Variants in NARF observed in about 807,000 individuals in gnomAD.
The protein encoded by NARF is nuclear prelamin A recognition factor, also known as iron-only hydrogenase-like protein 2.
NARF carries 41 observed loss-of-function variants against 48.0 expected under a neutral mutation model. The ratio of observed to expected loss-of-function variants is 0.85; its 90% CI spans 0.66 to 1.11. NARF has a LOEUF of 1.11. NARF is among the 50% of genes least tolerant of loss of function. The pLI, the probability that NARF is intolerant of heterozygous loss-of-function variation, is 0.00. For missense variants in NARF, 613 were observed against 590.2 expected, an observed-to-expected ratio of 1.04 and a Z score of -0.40; for synonymous variants, 215 against 225.5, an observed-to-expected ratio of 0.95 and a Z score of 0.42.
In NARF at chr17:82,479,258, T is replaced by C. The variant is rs948987581; in HGVS notation, c.639+340T>C. On this transcript the variant is annotated intron_variant, in intron 6 of 10. Transcript: ENST00000309794. ...AGATGCTGCCTGCCTGCTGTTGGGA[T>C]GCCTCACCCAAGGAGGCCTAAAGTG... is the stretch of plus-strand genomic sequence containing the variant. 5 of 195,850 alleles carry C rather than the reference T, an allele frequency of 2.6e-5. No homozygotes were observed. The South Asian group carries it at 4.2e-4, about 17-fold the overall frequency. 12.1% of individuals were successfully genotyped at this position (195,850 alleles called of 1,614,324 possible). A position where few individuals can be genotyped will look rare whatever the true frequency, so the allele number is the denominator to read the frequency against.
intron 2 of NARF, 46 bp from the exon 3 acceptor site, chr17:82,464,241 A>G: frequency 1.9e-6 from 3 of 1,595,954 alleles, no homozygotes; most frequent in Non-Finnish European, 2.6e-6. Flanking sequence ...GAAGCACATT[A>G]AAGAGTATTT....
At chr17:82,470,708 A>T (rs1390345911) in intron 4 of NARF, among the ~76,000 whole-genome samples, 1 of 151,760 alleles carries the variant, frequency 6.6e-6, no homozygotes, top group Non-Finnish European at 1.5e-5. Context: ...GTTAGCCAGG[A>T]TGGTCTCGAT....
rs368365758 is a variant in NARF, at chr17:82,484,843, G to A, written c.864G>A (p.Thr288=). 5.6e-6 allele frequency: 9 copies of A among 1,609,024 alleles called. No individual in the cohort carries two copies. Among genetic ancestry groups the A allele is most frequent in the Admixed American group, 1.7e-5 (1 of 59,148 alleles). Residue 288 remains threonine (T), a synonymous_variant, in exon 9 of 11, where the codon ACG becomes ACA. Transcript: ENST00000309794. The part of the protein sequence containing the change: ...LFGDLKEDKV[T]RHDGASSDGH... The stretch of plus-strand genomic sequence containing the variant: ...GAGACTTGAAGGAGGACAAAGTGAC[G>A]CGTCATGATGGAGCCAGCTCAGACG...
intron 8 of NARF, chr17:82,484,516 G>A: frequency 3.8e-6 from 1 of 260,096 alleles, no homozygotes; most frequent in Non-Finnish European, 7.4e-6. Context: ...CTGAGAGACA[G>A]AACAAGACCC....
In NARF at chr17:82,488,220, G is replaced by A; in HGVS notation, c.*63G>A. 6.3e-7 allele frequency: 1 copy of A among 1,578,764 alleles called. No homozygotes were observed. The highest frequency in any genetic ancestry group is 8.6e-7 in the Non-Finnish European group (1 of 1,161,608). On this transcript the variant is annotated 3_prime_UTR_variant, in exon 11 of 11. Transcript: ENST00000309794. ...AGCCAAGAGCCTCTCAGTAGAGGGA[G>A]GGGCTGCCCTGAGTGGAGTATTAAA...
intron 3 of NARF, among the ~76,000 whole-genome samples, chr17:82,466,048 C>T (rs1385745997): frequency 6.6e-6 from 1 of 152,232 alleles, no homozygotes; most frequent in Non-Finnish European, 1.5e-5. Context: ...CATGCATACC[C>T]GTCCCCACCT....
In NARF at chr17:82,481,121, C is replaced by A; in HGVS notation, c.679C>A (p.Pro227Thr). The A allele has an allele frequency of 6.2e-7, 1 of 1,614,094 alleles. No homozygotes were observed. The highest frequency in any genetic ancestry group is 8.5e-7 in the Non-Finnish European group (1 of 1,180,020). ...PEKIFHVIVA[P>T]CYDKKLEALQ... ...GAAGATTTTCCACGTCATTGTGGCC[C>A]CTTGTTATGACAAGAAGCTGGAGGC... is the stretch of plus-strand genomic sequence containing the variant. The change falls in exon 7 of 11, where the codon CCT becomes ACT. Residue 227 changes from proline to threonine, a missense_variant. By Grantham distance (38) the Pro-to-Thr change is conservative. Transcript: ENST00000309794.
upstream of NARF, chr17:82,458,722 G>C: frequency 8.4e-6 from 12 of 1,426,872 alleles, no homozygotes; most frequent in Non-Finnish European, 1.1e-5. Context: ...ACAAAGGGCC[G>C]CGGGCGGCGG....
At chr17:82,460,453 A>T (rs1278633397) in intron 2 of NARF, 1 of 157,252 alleles carries the variant, frequency 6.4e-6, no homozygotes, top group East Asian at 1.9e-4. Flanking sequence ...CAACAGAGTG[A>T]GACTCTGTCC....
Position 82,478,811 on chromosome 17 carries a change from T to G in NARF, c.532T>G (p.Tyr178Asp). Residue 178 changes from tyrosine (Y) to aspartate (D), a missense_variant, in exon 6 of 11, where the codon TAC becomes GAC. Tyr to Asp is a radical substitution (Grantham distance 160, BLOSUM62 -3). Transcript: ENST00000309794. ...CCTTCTCTCCCCAGGCTGGGTCCGATACGCCGAGCGGGTGCTGGGTCGCCC... is the reference window on the plus strand; with the variant it reads ...CCTTCTCTCCCCAGGCTGGGTCCGAGACGCCGAGCGGGTGCTGGGTCGCCC... ...LTSACPGWVR[Y>D]AERVLGRPIT... The G allele has an allele frequency of 6.2e-7, 1 of 1,613,688 alleles. No homozygotes were observed. Among genetic ancestry groups the G allele is most frequent in the Non-Finnish European group, 8.5e-7 (1 of 1,179,860 alleles).
intron 2 of NARF, chr17:82,463,319 GGAACAAGA>G (rs1261859891): frequency 2.6e-5 from 4 of 152,174 alleles, no homozygotes; most frequent in Non-Finnish European, 5.9e-5. Context: ...GAAGTGCTGA[GGAACAAGA>G]GAACAAGACA....
At chr17:82,458,643 T>G (rs1189141559), upstream of NARF, 107 of 913,894 alleles carry the variant, frequency 1.2e-4, 1 homozygote, top group Non-Finnish European at 1.5e-4. Flanking sequence ...GGGGTGCGGC[T>G]TGTCCTCTCC....
Position 82,485,611 on chromosome 17 carries a change from C to G in NARF, c.1086C>G (p.Gly362=). Reference sequence around the variant, plus strand: ...ACATGATCCTGAAGCTTAAGAAGGGCAAGTTCCCATTCCACTTTGTGGAGG... The same window carrying G: ...ACATGATCCTGAAGCTTAAGAAGGGGAAGTTCCCATTCCACTTTGTGGAGG... ...IQNMILKLKK[G]KFPFHFVEVL... The change falls in exon 10 of 11, where the codon GGC becomes GGG. Residue 362 remains glycine, a synonymous_variant. Transcript: ENST00000309794. The G allele has an allele frequency of 6.2e-7, 1 of 1,614,194 alleles. No individual in the cohort carries two copies. The highest frequency in any genetic ancestry group is 8.5e-7 in the Non-Finnish European group (1 of 1,180,052).
At chr17:82,458,680 C>A, upstream of NARF, 1 of 1,302,772 alleles carries the variant, frequency 7.7e-7, no homozygotes, top group Non-Finnish European at 9.9e-7. Flanking sequence ...CGAGCGCGGC[C>A]GTTGGGGGTG....
chr17:82,473,448 T>G (rs1039581168), intron 5 of NARF, among the ~76,000 whole-genome samples: 6 of 152,078 alleles, frequency 3.9e-5, no homozygotes, highest in Admixed American at 6.5e-5. Context: ...TCACCCAGAC[T>G]GGAGTGCATC....
chr17:82,483,318 T>C, intron 7 of NARF: 1 of 322,630 alleles, frequency 3.1e-6, no homozygotes, highest in Non-Finnish European at 6.1e-6. Flanking sequence ...AGACTCCATC[T>C]CAAAAAAAAA....
intron 7 of NARF, chr17:82,483,057 C>G (rs538891913): frequency 6.5e-6 from 1 of 153,334 alleles, no homozygotes; most frequent in Non-Finnish European, 1.5e-5. Flanking sequence ...GTGGCTGACA[C>G]GTGTAATCCC....
chr17:82,478,663 T>C, intron 5 of NARF, 137 bp from the exon 6 acceptor site: 1 of 905,796 alleles, frequency 1.1e-6, no homozygotes, highest in South Asian at 1.4e-5. Context: ...CAGCACGAGC[T>C]CCTGGTAAGG....
chr17:82,481,151 C>T lies in NARF; in HGVS notation c.709C>T (p.Gln237Ter). The change falls in exon 7 of 11, where the codon CAG becomes TAG. Residue 237 changes from glutamine (Q) to a stop codon, truncating the protein, a stop_gained. Coordinates refer to ENST00000309794, the MANE Select transcript of NARF (RefSeq NM_012336.4). LOFTEE classifies it high-confidence loss of function. ...PCYDKKLEAL[Q>*]ESLPPALHGS... ...TTATGACAAGAAGCTGGAGGCTCTT[C>T]AGGAAAGCCTTCCCCCTGCTTTGCA... The T allele has an allele frequency of 6.2e-7, 1 of 1,614,086 alleles. No individual in the cohort carries two copies.
Sources: allele counts gnomAD v4.1 joint callset (sites outside exome capture counted in the v4.1 genomes callset), GRCh38; gene constraint gnomAD v4.1.1; transcripts MANE v1.5; gene names NCBI Gene and HGNC (gene_info 2026-07-23, HGNC 2026-07-21).